The following TEX2 variants were observed in gnomAD, a reference collection of about 807,000 sequenced individuals.
The protein encoded by TEX2 is testis-expressed protein 2.
TEX2 carries 53 observed loss-of-function variants against 106.9 expected under a neutral mutation model. The observed-to-expected ratio is 0.50, with a 90% confidence interval of 0.40 to 0.62. The LOEUF (loss-of-function observed/expected upper bound fraction) is 0.62, where lower values mean the gene tolerates loss of function less well. Ranked by LOEUF, TEX2 falls within the 20% of genes least tolerant of loss-of-function variation. The pLI is 0.00. For synonymous variants in TEX2, 523 were observed against 534.8 expected (o/e 0.98, Z 0.30); for missense variants, 1,207 against 1,379.0 (o/e 0.88, Z 1.98).
intron 1 of TEX2, among the ~76,000 whole-genome samples, chr17:64,224,801 C>A (rs1395796277): frequency 6.6e-6 from 1 of 151,926 alleles, no homozygotes; most frequent in Non-Finnish European, 1.5e-5. Flanking sequence ...AGCATCAATA[C>A]AATTAGAATT....
In TEX2 at chr17:64,214,224, C is replaced by T. The variant is rs1555632312; in HGVS notation, c.-7G>A. ...GACCATACAGACTTGTCATTGCCGGCTTCACAAGGGCTCAGGCTCTGTGAA... is the reference window on the plus strand; with the variant it reads ...GACCATACAGACTTGTCATTGCCGGTTTCACAAGGGCTCAGGCTCTGTGAA... On this transcript the variant is annotated 5_prime_UTR_variant, in exon 2 of 12. Transcript: ENST00000584379. 3.1e-6 allele frequency: 5 copies of T among 1,608,634 alleles called. No individual in the cohort carries two copies. The highest frequency in any genetic ancestry group is 1.7e-5 in the Admixed American group (1 of 59,896).
chr17:64,195,160 A>G lies in TEX2; in HGVS notation c.1645-65T>C. Reference sequence around the variant, plus strand: ...CGCAAATCTGATTTAGTGTGAAATGATGAACACTGTGGTATTTGGGACACT... The same window carrying G: ...CGCAAATCTGATTTAGTGTGAAATGGTGAACACTGTGGTATTTGGGACACT... On this transcript the variant is annotated intron_variant, in intron 2 of 11. Transcript: ENST00000584379. This position sits in a 1 kb window ranked among gnomAD's most constrained non-coding sequence, Gnocchi z 4.1. The G allele has an allele frequency of 6.8e-7, 1 of 1,467,142 alleles. No individual in the cohort carries two copies. 90.9% of individuals were successfully genotyped at this position (1,467,142 alleles called of 1,614,324 possible).
At chr17:64,241,696 C>T (rs567277734) in intron 1 of TEX2, among the ~76,000 whole-genome samples, 97 of 152,158 alleles carry the variant, frequency 6.4e-4, no homozygotes, top group African/African-American at 2.1e-3. Context: ...TGCACTCGTG[C>T]GATCATAGCT....
intron 4 of TEX2, among the ~76,000 whole-genome samples, chr17:64,191,757 G>T (rs2032301913): frequency 6.9e-6 from 1 of 145,456 alleles, no homozygotes; most frequent in South Asian, 2.2e-4. Context: ...GGCGGAGGTT[G>T]CAGTGAGCCA....
chr17:64,152,382 T>G (rs1407898960), intron 10 of TEX2, among the ~76,000 whole-genome samples: 2 of 152,110 alleles, frequency 1.3e-5, no homozygotes, highest in African/African-American at 4.8e-5. Flanking sequence ...CCAGGTGATT[T>G]TAACATGCAG....
rs572891225 is a variant in TEX2, at chr17:64,217,849, T to C, written c.-25-3607A>G. 9.8e-5 allele frequency among the ~76,000 whole-genome samples: 15 copies of C among 152,336 alleles called. No individual in the cohort carries two copies. In the South Asian group the frequency reaches 3.1e-3, roughly 32 times the overall value. ...AGCCTTGTGATGGGAAGGAGAGCTG[T>C]AGCTCATGTTGTCGCCAGGCTCCCA... On this transcript the variant is annotated intron_variant, in intron 1 of 11. Transcript: ENST00000584379. This position sits in a 1 kb window ranked among gnomAD's most constrained non-coding sequence, Gnocchi z 4.3.
rs555591271 is a variant in TEX2, at chr17:64,170,731, C to T, written c.2671+369G>A. On this transcript the variant is annotated intron_variant, in intron 7 of 11. Transcript: ENST00000584379. ...CACTGCAACCTCCGTCTCCTGGGTTCAAGCGATTCTCCTGCCTCAGCCTCC... is the reference window on the plus strand; with the variant it reads ...CACTGCAACCTCCGTCTCCTGGGTTTAAGCGATTCTCCTGCCTCAGCCTCC... Among the ~76,000 whole-genome samples the T allele has an allele frequency of 6.5e-5, 9 of 139,394 alleles. No individual in the cohort carries two copies. In the East Asian group the frequency reaches 2.1e-3, roughly 33 times the overall value. 91.4% of individuals were successfully genotyped at this position (139,394 alleles called of 152,430 possible). A position where few individuals can be genotyped will look rare whatever the true frequency, so the allele number is the denominator to read the frequency against.
intron 1 of TEX2, among the ~76,000 whole-genome samples, chr17:64,252,697 C>T (rs1384979498): frequency 6.6e-6 from 1 of 152,122 alleles, no homozygotes; most frequent in African/African-American, 2.4e-5. Flanking sequence ...CATTCATTCA[C>T]CCCGAGAATA....
intron 2 of TEX2, among the ~76,000 whole-genome samples, chr17:64,204,300 T>A (rs192761709): frequency 6.6e-6 from 1 of 152,348 alleles, no homozygotes; most frequent in Admixed American, 6.5e-5. Context: ...ATTATCCTTT[T>A]GATAATTTTT....
At chr17:64,214,307 G>T in intron 1 of TEX2, 65 bp from the exon 2 acceptor site, 2 of 1,333,748 alleles carry the variant, frequency 1.5e-6, no homozygotes, top group South Asian at 1.4e-5. Flanking sequence ...GCTGTCATTC[G>T]CAGATAGGAG....
chr17:64,212,684 C>T lies in TEX2; in HGVS notation c.1534G>A (p.Val512Met), dbSNP rs143536713. The T allele has an allele frequency of 3.5e-5, 57 of 1,614,024 alleles. No homozygotes were observed. In the African/African-American group the frequency reaches 3.7e-4, roughly 11 times the overall value. ...CTTGGTGGTGTAAAAAACCAAATCA[C>T]GCAAACTGCAGTCATGAATCCAAGG... The part of the protein sequence containing the change: ...IGLGFMTAVC[V>M]IWFFTPPSAH... The change falls in exon 2 of 12, where the codon GTG becomes ATG. Residue 512 changes from valine (V) to methionine (M), a missense_variant. Around this residue, in one of 3 missense-constraint regions of TEX2, gnomAD observed 1,067 missense variants for 1,193.6 expected, o/e 0.89. Coordinates refer to ENST00000584379, the MANE Select transcript of TEX2 (RefSeq NM_001288732.2).
chr17:64,239,188 C>A (rs1489315594), intron 1 of TEX2: 1 of 152,204 alleles, frequency 6.6e-6, no homozygotes, highest in Non-Finnish European at 1.5e-5. Flanking sequence ...GACGAAGCTG[C>A]CATTTCCTTG....
rs556997921 is a variant in TEX2, at chr17:64,191,408, G to A, written c.2176+2151C>T. ...TTTCCTGGTGGCCCCATATACCCCC[G>A]TGGGTTACCTGATTCTGAGCTTCAG... On this transcript the variant is annotated intron_variant, in intron 4 of 11. Transcript: ENST00000584379. 4.0e-4 allele frequency among the ~76,000 whole-genome samples: 61 copies of A among 152,280 alleles called. 1 individual carries two copies. The highest frequency in any genetic ancestry group is 3.5e-3 in the Admixed American group (53 of 15,300).
chr17:64,262,420 C>T (rs2143550811), intron 1 of TEX2, among the ~76,000 whole-genome samples: 1 of 152,308 alleles, frequency 6.6e-6, no homozygotes, highest in African/African-American at 2.4e-5. Context: ...GGGAAGACTC[C>T]CCTGCACCAA....
chr17:64,175,000 A>C (rs1567918007), intron 6 of TEX2, among the ~76,000 whole-genome samples: 1 of 152,228 alleles, frequency 6.6e-6, no homozygotes, highest in Non-Finnish European at 1.5e-5. Flanking sequence ...CCAGGGGATC[A>C]GGGAGATCTG....
chr17:64,244,258 G>A (rs973335106), intron 1 of TEX2, among the ~76,000 whole-genome samples: 9 of 152,160 alleles, frequency 5.9e-5, no homozygotes, highest in African/African-American at 2.2e-4. Context: ...TAGGAAGCCT[G>A]AGAACTAACA....
chr17:64,175,791 G>A (rs2031593908), intron 6 of TEX2, among the ~76,000 whole-genome samples: 1 of 152,218 alleles, frequency 6.6e-6, no homozygotes, highest in African/African-American at 2.4e-5. Flanking sequence ...CCCACCTGGA[G>A]TTCAAGTATG....
chr17:64,177,205 A>T, intron 6 of TEX2, 120 bp downstream of exon 6: 1 of 1,161,978 alleles, frequency 8.6e-7, no homozygotes, highest in Non-Finnish European at 1.3e-6. Context: ...TTGAGAACTT[A>T]CTACCCTCAT....
At chr17:64,231,099 CA>C (rs1250898620) in intron 1 of TEX2, among the ~76,000 whole-genome samples, 3 of 152,220 alleles carry the variant, frequency 2.0e-5, no homozygotes, top group Non-Finnish European at 4.4e-5. Context: ...AGCTGCAGAT[CA>C]GCCGCACCTG....
Sources: allele counts gnomAD v4.1 joint callset (sites outside exome capture counted in the v4.1 genomes callset), GRCh38; gene constraint gnomAD v4.1.1; regional missense constraint gnomAD v4.1.1; non-coding constraint Gnocchi (gnomAD v3.1); transcripts MANE v1.5; gene names NCBI Gene and HGNC (gene_info 2026-07-23, HGNC 2026-07-21).